OTOF: variants seen among roughly 807,000 people sequenced by gnomAD.
The protein encoded by OTOF is fer-1-like family member 2.
Under a neutral mutation model 236.8 loss-of-function variants are expected in OTOF, and 218 were observed. The ratio of observed to expected loss-of-function variants is 0.92; its 90% confidence interval spans 0.82 to 1.03. The LOEUF is 1.03. OTOF is among the 50% of genes least tolerant of loss of function. OTOF has a pLI of 0.00. For synonymous variants in OTOF, 1,041 were observed against 1,072.5 expected, an observed-to-expected ratio of 0.97 and a Z score of 0.57; for missense variants, 2,590 against 2,694.4, an observed-to-expected ratio of 0.96 and a Z score of 0.86.
At chr2:26,466,672 G>A (rs1664740787) in intron 36 of OTOF, 42 bp downstream of exon 36, 1 of 1,611,928 alleles carries the variant, frequency 6.2e-7, no homozygotes, top group Non-Finnish European at 8.5e-7. Flanking sequence ...CAGATGGGAG[G>A]ATGAGGAGAC....
At chr2:26,525,809 A>C (rs953544568) in intron 3 of OTOF, among the ~76,000 whole-genome samples, 3 of 152,072 alleles carry the variant, frequency 2.0e-5, no homozygotes, top group Non-Finnish European at 2.9e-5. Flanking sequence ...AGGATGGGCC[A>C]AAAGTGGTGG....
chr2:26,513,456 GGCCTGTCTGGGCTGAGGCTGTTTCCTGCC>G (rs535178803), intron 5 of OTOF, among the ~76,000 whole-genome samples: 1 of 152,242 alleles, frequency 6.6e-6, no homozygotes, highest in Non-Finnish European at 1.5e-5. Flanking sequence ...GGCTGCCCGG[GGCCTGTCTGGGCTGAGGCTGTTTCCTGCC>G]CACTCAGTCT....
At chr2:26,484,756 G>T in intron 11 of OTOF, 123 bp from the exon 12 acceptor site, 1 of 942,672 alleles carries the variant, frequency 1.1e-6, no homozygotes. Flanking sequence ...CCCGGGACCT[G>T]GGGCCACAGC....
At position 26,473,303 on chromosome 2, in the gene OTOF, T is replaced by G. The variant is rs1572420832; in HGVS notation, c.3571-9A>C. 2 of 1,613,024 alleles carry G rather than the reference T, an allele frequency of 1.2e-6. No homozygotes were observed. Among genetic ancestry groups the G allele is most frequent in the African/African-American group, 2.7e-5 (2 of 74,870 alleles). On this transcript the variant is annotated splice_polypyrimidine_tract_variant and intron_variant, in intron 28 of 46. Coordinates refer to ENST00000272371, the MANE Select transcript of OTOF (RefSeq NM_194248.3). This position sits in a 1 kb window ranked among gnomAD's most constrained non-coding sequence, Gnocchi z 7.2. ...TCGTTCTCTGGGAGGTCCTGGGGTG[T>G]TGGCGACAGGAGCCTGAGCCTCCAA...
intron 41 of OTOF, 82 bp downstream of exon 41, chr2:26,463,401 C>A: frequency 3.4e-6 from 4 of 1,178,510 alleles, no homozygotes; most frequent in South Asian, 2.6e-5. Context: ...GGACCTGAGC[C>A]CCCCGCAGGA....
chr2:26,494,072 G>C (rs966062183), intron 9 of OTOF, among the ~76,000 whole-genome samples: 8 of 152,228 alleles, frequency 5.3e-5, no homozygotes, highest in Admixed American at 4.6e-4. Context: ...GGGAACCAAG[G>C]TGCCATATTT....
At position 26,483,664 on chromosome 2, in the gene OTOF, G is replaced by T; in HGVS notation, c.1206-16C>A. 1 of 1,610,466 alleles carries T rather than the reference G, an allele frequency of 6.2e-7. No individual in the cohort carries two copies. Among genetic ancestry groups the T allele is most frequent in the East Asian group, 2.2e-5 (1 of 44,866 alleles). On this transcript the variant is annotated splice_polypyrimidine_tract_variant and intron_variant, in intron 12 of 46. Transcript: ENST00000272371. The stretch of plus-strand genomic sequence containing the variant: ...CAGCAAGTTCCTGCCAGCACATACA[G>T]CCAGGGCCATGGTCACCAGGTCCAG...
intron 2 of OTOF, among the ~76,000 whole-genome samples, chr2:26,536,913 G>A (rs550141937): frequency 5.9e-5 from 9 of 152,262 alleles, no homozygotes; most frequent in Admixed American, 3.3e-4. Flanking sequence ...GGAGGAGGCC[G>A]CAGGCTGCTC....
intron 24 of OTOF, 149 bp from the exon 25 acceptor site, chr2:26,475,642 G>A (rs1665219781): frequency 1.8e-5 from 18 of 989,368 alleles, no homozygotes; most frequent in Non-Finnish European, 2.6e-5. Context: ...TAAAATCAAG[G>A]CTAATATGAG....
At chr2:26,523,884 G>C (rs1157070294) in intron 3 of OTOF, among the ~76,000 whole-genome samples, 1 of 152,234 alleles carries the variant, frequency 6.6e-6, no homozygotes, top group Non-Finnish European at 1.5e-5. Context: ...CCTCTGGCCT[G>C]GCCCAGGCAA....
intron 1 of OTOF, among the ~76,000 whole-genome samples, chr2:26,538,847 C>T (rs1667141769): frequency 7.1e-6 from 1 of 140,542 alleles, no homozygotes; most frequent in Non-Finnish European, 1.5e-5. Flanking sequence ...TGCAGTCTTG[C>T]TCTGTTCCCA....
chr2:26,555,925 T>C lies in OTOF; in HGVS notation c.79+2568A>G, dbSNP rs527888778. Among the ~76,000 whole-genome samples, 61 of 152,336 alleles carry C rather than the reference T, an allele frequency of 4.0e-4. 2 individuals are homozygous for C. The South Asian group carries it at 0.012, about 31-fold the overall frequency. On this transcript the variant is annotated intron_variant, in intron 1 of 46. Coordinates refer to ENST00000272371, the MANE Select transcript of OTOF (RefSeq NM_194248.3). ...TCTAGTGAAGTGAGTGTTATTATCA[T>C]GCCCATTTTACAGATGAGGAAACTG...
rs141491365 is a variant in OTOF at position 26,521,985 on chromosome 2, A to G, written c.228-2876T>C. ...AGGGCTGGCCATCTGGAGAGCCTAC[A>G]CAGGGCGAGTCTCCTTTGCAGGATG... On this transcript the variant is annotated intron_variant, in intron 3 of 46. Coordinates refer to ENST00000272371, the MANE Select transcript of OTOF (RefSeq NM_194248.3). Among the ~76,000 whole-genome samples, 5 of 152,290 alleles carry G rather than the reference A, an allele frequency of 3.3e-5. No homozygotes were observed. In the East Asian group the frequency reaches 7.7e-4, roughly 24 times the overall value.
In OTOF at chr2:26,516,829, G is replaced by A. The variant is rs149453002; in HGVS notation, c.328-230C>T. ...TTACTGGTACCTGGCTCCAGGTCCCGCTGCTGGTGGTTCCACTCCTCCCTG... is the reference window on the plus strand; with the variant it reads ...TTACTGGTACCTGGCTCCAGGTCCCACTGCTGGTGGTTCCACTCCTCCCTG... On this transcript the variant is annotated intron_variant, in intron 4 of 46. Coordinates refer to ENST00000272371, the MANE Select transcript of OTOF (RefSeq NM_194248.3). Among the ~76,000 whole-genome samples the A allele has an allele frequency of 3.4e-4, 52 of 152,236 alleles. No homozygotes were observed. In the East Asian group the frequency reaches 8.1e-3, roughly 24 times the overall value.
At chr2:26,505,533 C>T (rs1292159905) in intron 5 of OTOF, among the ~76,000 whole-genome samples, 3 of 152,188 alleles carry the variant, frequency 2.0e-5, no homozygotes, top group South Asian at 4.1e-4. Flanking sequence ...CTCATTTCAT[C>T]TTCCTGGCAA....
chr2:26,555,668 T>C (rs1558532488), intron 1 of OTOF, among the ~76,000 whole-genome samples: 3 of 152,048 alleles, frequency 2.0e-5, no homozygotes, highest in African/African-American at 7.2e-5. Flanking sequence ...CAGAGGCTCC[T>C]ACAGAGCAGA....
chr2:26,556,418 A>G (rs987591290), intron 1 of OTOF, among the ~76,000 whole-genome samples: 1 of 152,132 alleles, frequency 6.6e-6, no homozygotes, highest in Non-Finnish European at 1.5e-5. Flanking sequence ...TAATAAAGGT[A>G]CTTTCTGGAA....
At position 26,520,569 on chromosome 2, in the gene OTOF, C is replaced by T. The variant is rs558398078; in HGVS notation, c.228-1460G>A. Among the ~76,000 whole-genome samples the T allele has an allele frequency of 5.3e-5, 8 of 152,338 alleles. No homozygotes were observed. The East Asian group carries it at 9.6e-4, about 18-fold the overall frequency. On this transcript the variant is annotated intron_variant, in intron 3 of 46. Coordinates refer to ENST00000272371, the MANE Select transcript of OTOF (RefSeq NM_194248.3). Reference sequence around the variant, plus strand: ...AAACTGACCACGCCACTCCTTCACTCTAAAGCCGAACTGGGCTTCTGGGCC... The same window carrying T: ...AAACTGACCACGCCACTCCTTCACTTTAAAGCCGAACTGGGCTTCTGGGCC...
In OTOF at chr2:26,467,372, T is replaced by C. The variant is rs768044722; in HGVS notation, c.4220A>G (p.Glu1407Gly). The C allele has an allele frequency of 4.3e-6, 7 of 1,613,394 alleles. No individual in the cohort carries two copies. Among genetic ancestry groups the C allele is most frequent in the Non-Finnish European group, 5.9e-6 (7 of 1,179,922 alleles). The change falls in exon 34 of 47, where the codon GAG (glutamate) becomes GGG (glycine). Residue 1407 changes from glutamate (E) to glycine (G), a missense_variant. This residue lies in a region of OTOF where 1,211 missense variants were observed against 1,352.8 expected (regional missense o/e 0.90). Transcript: ENST00000272371. Reference protein sequence around the residue: ...APEKKKPKIDELKVYPKELES... With the variant: ...APEKKKPKIDGLKVYPKELES... ...CTGCTCCTAGGCTCTCACCTTAAGCTCATCAATCTTGGGTTTCTTCTTCTC... is the reference window on the plus strand; with the variant it reads ...CTGCTCCTAGGCTCTCACCTTAAGCCCATCAATCTTGGGTTTCTTCTTCTC...
Sources: gnomAD v4.1 joint callset for allele counts (sites outside exome capture counted in the v4.1 genomes callset) on GRCh38, gnomAD v4.1.1 for gene constraint, gnomAD v4.1.1 regional missense constraint, Gnocchi (gnomAD v3.1) non-coding constraint, MANE v1.5 for transcripts, NCBI Gene and HGNC (gene_info 2026-07-23, HGNC 2026-07-21) for gene names.